Variants in LIMCH1 observed in about 807,000 individuals in gnomAD.
LIMCH1 encodes LIM and calponin homology domains-containing protein 1.
In LIMCH1, 113 loss-of-function variants were observed where a neutral mutation model predicts 176.5. That is an observed-to-expected ratio of 0.64 (90% CI 0.55 to 0.75). The LOEUF (loss-of-function observed/expected upper bound fraction) is 0.75, where lower values mean the gene tolerates loss of function less well. Ranked by LOEUF, LIMCH1 falls within the 30% of genes least tolerant of loss-of-function variation. LIMCH1 has a pLI of 0.00. For missense variants in LIMCH1, 1,674 were observed against 1,814.9 expected (o/e 0.92, Z 1.41); for synonymous variants, 619 against 645.9 (o/e 0.96, Z 0.63).
At chr4:41,612,873 C>G in intron 4 of LIMCH1, 2 of 727,518 alleles carry the variant, frequency 2.7e-6, no homozygotes, top group Non-Finnish European at 3.8e-6. Context: ...TTTTTTTTAA[C>G]TTTTGCCTCA....
chr4:41,400,108 A>G (rs1046857408), intron 1 of LIMCH1, among the ~76,000 whole-genome samples: 7 of 152,028 alleles, frequency 4.6e-5, no homozygotes, highest in Middle Eastern at 3.2e-3. Context: ...GGTTTGGACC[A>G]AGACTGTGCC....
intron 28 of LIMCH1, among the ~76,000 whole-genome samples, chr4:41,686,733 G>C (rs1721091453): frequency 6.6e-6 from 1 of 152,154 alleles, no homozygotes; most frequent in African/African-American, 2.4e-5. Context: ...GTAAGTGTAG[G>C]TGATGATGAT....
At chr4:41,691,315 C>T (rs2153084114) in intron 30 of LIMCH1, among the ~76,000 whole-genome samples, 1 of 152,328 alleles carries the variant, frequency 6.6e-6, no homozygotes, top group East Asian at 1.9e-4. Context: ...CCCACACCAA[C>T]TTCCACTGCC....
chr4:41,523,178 C>T (rs1192385500), intron 2 of LIMCH1, among the ~76,000 whole-genome samples: 1 of 152,156 alleles, frequency 6.6e-6, no homozygotes, highest in Non-Finnish European at 1.5e-5. Context: ...TGTTACTGAT[C>T]TGTAGAAATC....
chr4:41,611,256 G>A (rs2091379590), intron 4 of LIMCH1, among the ~76,000 whole-genome samples: 1 of 152,212 alleles, frequency 6.6e-6, no homozygotes, highest in Admixed American at 6.5e-5. Context: ...ACAATGAGCT[G>A]TACATATAGT....
At chr4:41,430,496 T>C (rs1231399977) in intron 1 of LIMCH1, among the ~76,000 whole-genome samples, 1 of 152,206 alleles carries the variant, frequency 6.6e-6, no homozygotes, top group Non-Finnish European at 1.5e-5. Flanking sequence ...TCTCCTGACC[T>C]CAAGATCTGT....
chr4:41,613,085 A>C (rs1385794906), intron 4 of LIMCH1: 1 of 1,552,304 alleles, frequency 6.4e-7, no homozygotes, highest in Non-Finnish European at 8.7e-7. Flanking sequence ...ATGGATTCCG[A>C]AAGACAAGTC....
rs143012896 is a variant in LIMCH1 at position 41,399,420 on chromosome 4, C to T, written c.96+38484C>T. Among the ~76,000 whole-genome samples, 120 of 152,110 alleles carry T rather than the reference C, an allele frequency of 7.9e-4. 1 individual carries two copies. The East Asian group carries it at 0.016, about 20-fold the overall frequency. On this transcript the variant is annotated intron_variant, in intron 1 of 26. Transcript: ENST00000313860. ...AAGTAAGGAGATGGAAGAAGTTGGGCGATCCTTTCAGTTAAAATAAGTGAA... is the reference window on the plus strand; with the variant it reads ...AAGTAAGGAGATGGAAGAAGTTGGGTGATCCTTTCAGTTAAAATAAGTGAA...
chr4:41,619,621 G>A, intron 6 of LIMCH1, 181 bp downstream of exon 6: 1 of 758,354 alleles, frequency 1.3e-6, no homozygotes, highest in Non-Finnish European at 2.1e-6. Context: ...AGCTTCGTGA[G>A]TGCGCCTAGA....
intron 1 of LIMCH1, among the ~76,000 whole-genome samples, chr4:41,477,332 A>G (rs1451527423): frequency 6.6e-6 from 1 of 152,142 alleles, no homozygotes; most frequent in East Asian, 1.9e-4. Flanking sequence ...CTTTATGTGA[A>G]TTAGGAAAAC....
At chr4:41,372,106 G>A (rs999006572) in intron 1 of LIMCH1, among the ~76,000 whole-genome samples, 2 of 152,142 alleles carry the variant, frequency 1.3e-5, no homozygotes, top group African/African-American at 4.8e-5. Flanking sequence ...TGATTGAAAC[G>A]TCTGCTTTTC....
upstream of LIMCH1, chr4:41,538,154 A>G (rs1328855945): frequency 2.0e-6 from 2 of 985,364 alleles, no homozygotes; most frequent in African/African-American, 1.7e-5. Flanking sequence ...CTTTCACTGC[A>G]TCAGCATTTC....
chr4:41,622,148 T>C (rs1027804502), intron 7 of LIMCH1, among the ~76,000 whole-genome samples: 2 of 152,186 alleles, frequency 1.3e-5, no homozygotes, highest in African/African-American at 2.4e-5. Context: ...ATAAAATCTT[T>C]TTTTAAAACT....
At chr4:41,557,493 C>T (rs2081426674) in intron 1 of LIMCH1, among the ~76,000 whole-genome samples, 2 of 151,342 alleles carry the variant, frequency 1.3e-5, no homozygotes, top group Non-Finnish European at 2.9e-5. Context: ...ATAAATAGAT[C>T]TAAATCAAGC....
chr4:41,577,678 C>T (rs1393662240), intron 1 of LIMCH1, among the ~76,000 whole-genome samples: 1 of 152,178 alleles, frequency 6.6e-6, no homozygotes, highest in Non-Finnish European at 1.5e-5. Flanking sequence ...ATCCTCTAGA[C>T]TCGGCCTCCC....
intron 1 of LIMCH1, among the ~76,000 whole-genome samples, chr4:41,402,780 A>T (rs1349935905): frequency 6.3e-5 from 9 of 141,944 alleles, no homozygotes; most frequent in Admixed American, 1.5e-4. Flanking sequence ...GAACAATGAG[A>T]ACACATGGAC....
chr4:41,551,993 G>A (rs1476002151), intron 1 of LIMCH1, among the ~76,000 whole-genome samples: 3 of 152,160 alleles, frequency 2.0e-5, no homozygotes, highest in African/African-American at 4.8e-5. Context: ...TTTAATGGAC[G>A]AACAGTTCCG....
At chr4:41,440,693 C>A (rs547248980) in intron 1 of LIMCH1, among the ~76,000 whole-genome samples, 1 of 152,000 alleles carries the variant, frequency 6.6e-6, no homozygotes, top group East Asian at 1.9e-4. Context: ...CCACCGCGCC[C>A]GGCTAATTTT....
intron 18 of LIMCH1, among the ~76,000 whole-genome samples, chr4:41,660,100 G>A (rs2094570021): frequency 6.6e-6 from 1 of 151,700 alleles, no homozygotes; most frequent in African/African-American, 2.4e-5. Context: ...TTATGTATAG[G>A]CATGTATATA....
Sources: gnomAD v4.1 joint callset for allele counts (sites outside exome capture counted in the v4.1 genomes callset) on GRCh38, gnomAD v4.1.1 for gene constraint, MANE v1.5 for transcripts, NCBI Gene and HGNC (gene_info 2026-07-23, HGNC 2026-07-21) for gene names.